Variants in MYCBP2 observed in about 807,000 individuals in gnomAD.
MYCBP2 encodes the protein E3 ubiquitin-protein ligase MYCBP2.
Under a neutral mutation model 525.3 loss-of-function variants are expected in MYCBP2, and 120 were observed. The ratio of observed to expected loss-of-function variants is 0.23; its 90% CI spans 0.20 to 0.27. MYCBP2 has a LOEUF of 0.27. MYCBP2 is among the 10% of genes least tolerant of loss of function. The pLI, the probability that MYCBP2 is intolerant of heterozygous loss-of-function variation, is 1.00. For synonymous variants in MYCBP2, 1,894 were observed against 1,955.8 expected (o/e 0.97, Z 0.83); for missense variants, 4,149 against 5,657.1 (o/e 0.73, Z 8.55).
intron 17 of MYCBP2, among the ~76,000 whole-genome samples, chr13:77,241,671 C>T (rs2068850390): frequency 6.6e-6 from 1 of 152,080 alleles, no homozygotes; most frequent in African/African-American, 2.4e-5. Flanking sequence ...ATTATGCAAG[C>T]AAAGCCAAAC....
chr13:77,121,880 T>C (rs904642156), intron 54 of MYCBP2, among the ~76,000 whole-genome samples: 12 of 152,138 alleles, frequency 7.9e-5, no homozygotes, highest in Admixed American at 6.5e-4. Context: ...AATAAAAGTA[T>C]TTTGCATATT....
intron 14 of MYCBP2, among the ~76,000 whole-genome samples, chr13:77,252,956 C>T (rs1405187066): frequency 6.6e-6 from 1 of 151,992 alleles, no homozygotes; most frequent in African/African-American, 2.4e-5. Flanking sequence ...GAATCTCAAT[C>T]ACAATGCCAA....
At chr13:77,207,090 T>C (rs1315890455) in intron 23 of MYCBP2, among the ~76,000 whole-genome samples, 1 of 152,158 alleles carries the variant, frequency 6.6e-6, no homozygotes, top group Non-Finnish European at 1.5e-5. Context: ...TGTATAAAGT[T>C]TTGATACATA....
chr13:77,228,691 TTGTGTGTGTG>T (rs34441629), intron 18 of MYCBP2, among the ~76,000 whole-genome samples: 77 of 147,288 alleles, frequency 5.2e-4, no homozygotes, highest in Middle Eastern at 3.5e-3. Context: ...GATGAATATG[TTGTGTGTGTG>T]TGTGTGTGTG....
At chr13:77,182,026 A>C (rs2060262351) in intron 32 of MYCBP2, 104 bp from the exon 33 acceptor site, 1 of 797,304 alleles carries the variant, frequency 1.3e-6, no homozygotes, top group Non-Finnish European at 2.0e-6. Context: ...ATTATACCAA[A>C]ATTTTCTGTC....
rs752283900 is a variant in MYCBP2 at position 77,185,287 on chromosome 13, C to A, written c.4535G>T (p.Gly1512Val). The A allele has an allele frequency of 1.2e-5, 20 of 1,613,904 alleles. No homozygotes were observed. The highest frequency in any genetic ancestry group is 8.3e-5 in the Admixed American group (5 of 59,994). Residue 1512 changes from glycine (G) to valine (V), a missense_variant, in exon 32 of 83, where the codon GGA becomes GTA. Gly to Val is a moderately radical substitution (Grantham distance 109, BLOSUM62 -3). This residue lies in a region of MYCBP2 where 292 missense variants were observed against 330.5 expected (regional missense o/e 0.88). Coordinates refer to ENST00000544440, the MANE Select transcript of MYCBP2 (RefSeq NM_015057.5). Reference sequence around the variant, plus strand: ...CAATTTCACCATGCAGTGATCAACTCCTTCTGATAAAATTTTTCTTAACAA... The same window carrying A: ...CAATTTCACCATGCAGTGATCAACTACTTCTGATAAAATTTTTCTTAACAA... ...RTLLRKILSE[G>V]VDHCMVKLDN... is the part of the protein sequence containing the mutation.
intron 68 of MYCBP2, among the ~76,000 whole-genome samples, 167 bp from the exon 69 acceptor site, chr13:77,070,878 T>C (rs2041101336): frequency 6.6e-6 from 1 of 152,182 alleles, no homozygotes; most frequent in African/African-American, 2.4e-5. Context: ...GGATAAAGTT[T>C]GAAATAAAAA....
intron 1 of MYCBP2, among the ~76,000 whole-genome samples, chr13:77,300,646 G>T (rs190106837): frequency 6.6e-6 from 1 of 152,254 alleles, no homozygotes; most frequent in African/African-American, 2.4e-5. Context: ...ATGCAACACA[G>T]ATAAAACTAT....
chr13:77,215,361 GA>G (rs1365122693), intron 21 of MYCBP2, among the ~76,000 whole-genome samples: 3 of 152,088 alleles, frequency 2.0e-5, no homozygotes, highest in Non-Finnish European at 4.4e-5. Context: ...GGTGGGAGGG[GA>G]AAGAGCAAGA....
At chr13:77,074,177 G>A (rs1389460466) in intron 68 of MYCBP2, among the ~76,000 whole-genome samples, 2 of 152,006 alleles carry the variant, frequency 1.3e-5, no homozygotes, top group East Asian at 3.8e-4. Flanking sequence ...CAATGGAGCA[G>A]AATAGAGTCC....
At position 77,059,678 on chromosome 13, in the gene MYCBP2, T is replaced by C. The variant is rs747352613; in HGVS notation, c.13037-52A>G. On this transcript the variant is annotated intron_variant, in intron 76 of 82. Transcript: ENST00000544440. ...CCTTCTTATGGATGTTTTCTAGATA[T>C]GTTAACAGAACTAAATTTTAAAAAG... The C allele has an allele frequency of 7.4e-6, 10 of 1,348,636 alleles. No homozygotes were observed. In the East Asian group the frequency reaches 2.3e-4, roughly 31 times the overall value. The allele number at this position is 1,348,636 out of a possible 1,614,324, so 83.5% of individuals were successfully genotyped here.
In MYCBP2 at chr13:77,311,568, T is replaced by G. The variant is rs1020599761; in HGVS notation, c.303-14894A>C. ...AGGGAAAGAGAAGTTTTTTTTTGTT[T>G]TTTTTTTTTTGTTTTTTTTTTAAAG... On this transcript the variant is annotated intron_variant, in intron 1 of 82. Transcript: ENST00000544440. Among the ~76,000 whole-genome samples, 16 of 144,040 alleles carry G rather than the reference T, an allele frequency of 1.1e-4. 1 individual carries two copies. Among genetic ancestry groups the G allele is most frequent in the African/African-American group, 3.1e-4 (11 of 34,990 alleles). The allele number at this position is 144,040 out of a possible 152,430, so 94.5% of individuals were successfully genotyped here.
Position 77,288,189 on chromosome 13 carries a change from G to C in MYCBP2, c.566C>G (p.Ser189Cys), listed in dbSNP as rs372702467. The C allele has an allele frequency of 1.9e-6, 3 of 1,614,002 alleles. No homozygotes were observed. The highest frequency in any genetic ancestry group is 2.5e-6 in the Non-Finnish European group (3 of 1,180,018). The change falls in exon 3 of 83, where the codon TCC becomes TGC. Residue 189 changes from serine (S) to cysteine (C), a missense_variant. Around this residue, in one of 21 missense-constraint regions of MYCBP2, gnomAD observed 413 missense variants for 451.2 expected, o/e 0.92. Transcript: ENST00000544440. ...TGGAAGCTTGATAGGGGGCTCTTTGGATTCCTCTTCTTCATCACTATCTGA... is the reference window on the plus strand; with the variant it reads ...TGGAAGCTTGATAGGGGGCTCTTTGCATTCCTCTTCTTCATCACTATCTGA... ...GESDSDEEEE[S>C]KEPPIKLPKI...
At chr13:77,245,719 G>A (rs2069760607) in intron 15 of MYCBP2, among the ~76,000 whole-genome samples, 1 of 146,862 alleles carries the variant, frequency 6.8e-6, no homozygotes, top group African/African-American at 2.5e-5. Flanking sequence ...TGCACGTTCT[G>A]CACATGTATC....
intron 8 of MYCBP2, among the ~76,000 whole-genome samples, chr13:77,265,515 T>C (rs1161963740): frequency 6.6e-6 from 1 of 152,096 alleles, no homozygotes; most frequent in Non-Finnish European, 1.5e-5. Context: ...AAAAAGTATG[T>C]TTTAAGTTCA....
intron 1 of MYCBP2, among the ~76,000 whole-genome samples, chr13:77,322,881 C>T (rs372412852): frequency 5.3e-5 from 8 of 152,306 alleles, no homozygotes; most frequent in African/African-American, 1.7e-4. Context: ...TTTTGATTGG[C>T]CTCATTCATC....
At chr13:77,232,983 A>C (rs2067337009) in intron 18 of MYCBP2, among the ~76,000 whole-genome samples, 173 bp downstream of exon 18, 1 of 152,230 alleles carries the variant, frequency 6.6e-6, no homozygotes, top group Non-Finnish European at 1.5e-5. Context: ...AACAAGAAGC[A>C]TGACAGTCAC....
At chr13:77,086,275 C>G (rs1369971078) in intron 62 of MYCBP2, among the ~76,000 whole-genome samples, 1 of 152,096 alleles carries the variant, frequency 6.6e-6, no homozygotes, top group Non-Finnish European at 1.5e-5. Flanking sequence ...TTTAAACAAA[C>G]TCAGTATTTT....
intron 11 of MYCBP2, 34 bp from the exon 12 acceptor site, chr13:77,261,409 C>T: frequency 3.3e-6 from 5 of 1,492,732 alleles, no homozygotes; most frequent in Non-Finnish European, 4.6e-6. Flanking sequence ...AATTATGGTA[C>T]TTTTTGGAAT....
Sources: allele counts gnomAD v4.1 joint callset (sites outside exome capture counted in the v4.1 genomes callset), GRCh38; gene constraint gnomAD v4.1.1; regional missense constraint gnomAD v4.1.1; transcripts MANE v1.5; gene names NCBI Gene and HGNC (gene_info 2026-07-23, HGNC 2026-07-21).